Variants in PCDHGB6 observed in about 807,000 individuals in gnomAD.
The protein encoded by PCDHGB6 is protocadherin gamma subfamily B, 6, also known as protocadherin gamma-B6.
A neutral mutation model predicts 59.1 loss-of-function variants in PCDHGB6; 51 were observed. That is an observed-to-expected ratio of 0.86 (90% CI 0.69 to 1.09). The LOEUF is 1.09. PCDHGB6 is among the 50% of genes least tolerant of loss of function. The probability of loss-of-function intolerance (pLI) is 0.00; values close to 1 mark genes in which losing one functional copy is unlikely to be tolerated. For synonymous variants in PCDHGB6, 466 were observed against 495.1 expected (o/e 0.94, Z 0.78); for missense variants, 1,148 against 1,205.1 (o/e 0.95, Z 0.70).
chr5:141,409,188 C>T lies in PCDHGB6; in HGVS notation c.986C>T (p.Thr329Ile), dbSNP rs1487313582. ...GCGAAGGACGGAGGTGGTCTCTCTA[C>T]CCAGTGTAAAGTAATCATAGAAATC... ...VEAKDGGGLS[T>I]QCKVIIEILD... Residue 329 changes from threonine to isoleucine, a missense_variant, in exon 1 of 4, where the codon ACC (threonine) becomes ATC (isoleucine). Transcript: ENST00000520790. 9 of 1,613,880 alleles carry T rather than the reference C, an allele frequency of 5.6e-6. No homozygotes were observed. In the Admixed American group the frequency reaches 8.3e-5, roughly 15 times the overall value.
At chr5:141,422,888 T>C in intron 1 of PCDHGB6, 2 of 1,614,262 alleles carry the variant, frequency 1.2e-6, no homozygotes, top group South Asian at 2.2e-5. Flanking sequence ...CTGTTCGTGC[T>C]GGACCAGAAC....
Position 141,478,316 on chromosome 5 carries a change from C to T in PCDHGB6, c.2419-16491C>T, listed in dbSNP as rs776948755. ...CCTATACCGAGCCCCGGTGAGCTCA[C>T]TGTACCGAACACCAGGGCCCTCCTT... On this transcript the variant is annotated intron_variant, in intron 1 of 3. Coordinates refer to ENST00000520790, the MANE Select transcript of PCDHGB6 (RefSeq NM_018926.3). 120 of 1,613,924 alleles carry T rather than the reference C, an allele frequency of 7.4e-5. 2 individuals carry two copies. In the South Asian group the frequency reaches 1.3e-3, roughly 18 times the overall value.
chr5:141,484,960 C>A, intron 1 of PCDHGB6: 1 of 577,142 alleles, frequency 1.7e-6, no homozygotes, highest in Non-Finnish European at 3.1e-6. Flanking sequence ...TTGGCTGAGC[C>A]CGGGAGCCGC....
At chr5:141,414,753 T>G (rs10041534) in intron 1 of PCDHGB6, 22 of 1,614,088 alleles carry the variant, frequency 1.4e-5, no homozygotes, top group Non-Finnish European at 1.8e-5. Context: ...CCTTCGACTA[T>G]GAGCAGTTTC....
intron 1 of PCDHGB6, chr5:141,414,096 A>G (rs2095708665): frequency 1.9e-6 from 3 of 1,595,210 alleles, no homozygotes; most frequent in Middle Eastern, 3.3e-4. Context: ...AAATAAAAAT[A>G]TCAGAAAATC....
intron 1 of PCDHGB6, among the ~76,000 whole-genome samples, chr5:141,436,150 T>A (rs1270913305): frequency 6.6e-6 from 1 of 152,182 alleles, no homozygotes; most frequent in African/African-American, 2.4e-5. Flanking sequence ...ACTACCAAAA[T>A]GTTTATCATA....
At chr5:141,438,765 G>A (rs1012158127) in intron 1 of PCDHGB6, among the ~76,000 whole-genome samples, 5 of 149,658 alleles carry the variant, frequency 3.3e-5, no homozygotes, top group Middle Eastern at 3.4e-3. Context: ...GGGTTCAAGC[G>A]ATTCTCCTGC....
chr5:141,471,208 C>G (rs559571022), intron 1 of PCDHGB6: 1 of 151,664 alleles, frequency 6.6e-6, no homozygotes, highest in Non-Finnish European at 1.5e-5. Context: ...CACCCCCATG[C>G]CTGGCAATTT....
intron 1 of PCDHGB6, among the ~76,000 whole-genome samples, chr5:141,472,026 G>C (rs2099269805): frequency 6.6e-6 from 1 of 152,108 alleles, no homozygotes; most frequent in Non-Finnish European, 1.5e-5. Context: ...ATTGTATGTA[G>C]AAAGCTGTGA....
chr5:141,419,393 G>T (rs1226844501), intron 1 of PCDHGB6: 2 of 1,613,620 alleles, frequency 1.2e-6, no homozygotes, highest in Non-Finnish European at 1.7e-6. Context: ...CGCGCAGAGC[G>T]GGGTGGTGTT....
intron 1 of PCDHGB6, chr5:141,429,251 A>C (rs2097199889): frequency 6.6e-6 from 1 of 151,884 alleles, no homozygotes; most frequent in Non-Finnish European, 1.5e-5. Context: ...GAGATATTTT[A>C]ATTGAGGAAT....
chr5:141,449,562 C>T (rs1374591292), intron 1 of PCDHGB6, among the ~76,000 whole-genome samples: 1 of 143,862 alleles, frequency 7.0e-6, no homozygotes, highest in East Asian at 2.0e-4. Context: ...GCACTCCAGC[C>T]TGGGCGACAG....
Position 141,408,643 on chromosome 5 carries a change from C to G in PCDHGB6, c.441C>G (p.Ser147=), listed in dbSNP as rs751905674. ...EIHLEIFESA[S]AGTRLSLDPA... ...ATTTAGAAATTTTCGAATCTGCATCCGCTGGTACACGACTATCGCTTGACC... is the reference window on the plus strand; with the variant it reads ...ATTTAGAAATTTTCGAATCTGCATCGGCTGGTACACGACTATCGCTTGACC... The change falls in exon 1 of 4, where the codon TCC becomes TCG. Residue 147 remains serine (S), a synonymous_variant. Transcript: ENST00000520790. 2 of 1,613,910 alleles carry G rather than the reference C, an allele frequency of 1.2e-6. No homozygotes were observed. Among genetic ancestry groups the G allele is most frequent in the Admixed American group, 1.7e-5 (1 of 60,012 alleles).
intron 1 of PCDHGB6, among the ~76,000 whole-genome samples, chr5:141,460,997 G>A (rs1322943324): frequency 3.4e-5 from 5 of 147,290 alleles, no homozygotes; most frequent in Admixed American, 1.4e-4. Flanking sequence ...ATATATATAT[G>A]TGTATATATA....
chr5:141,410,650 T>C (rs781083173), intron 1 of PCDHGB6, 30 bp downstream of exon 1: 3 of 1,590,604 alleles, frequency 1.9e-6, no homozygotes, highest in Non-Finnish European at 2.6e-6. Context: ...GTGTGATTTA[T>C]CTAATAGTCT....
At position 141,477,458 on chromosome 5, in the gene PCDHGB6, T is replaced by C; in HGVS notation, c.2419-17349T>C. 6.2e-7 allele frequency: 1 copy of C among 1,614,126 alleles called. No homozygotes were observed. The highest frequency in any genetic ancestry group is 8.5e-7 in the Non-Finnish European group (1 of 1,180,022). ...CCTTACAATAGTGCGTGTTCAAGTG[T>C]CCGACATCAATGACAACCCTCCACA... On this transcript the variant is annotated intron_variant, in intron 1 of 3. Transcript: ENST00000520790. This position sits in a 1 kb window ranked among gnomAD's most constrained non-coding sequence, Gnocchi z 4.9.
intron 1 of PCDHGB6, chr5:141,423,031 A>G (rs761268652): frequency 1.2e-6 from 2 of 1,614,096 alleles, no homozygotes; most frequent in East Asian, 2.2e-5. Flanking sequence ...TTCAGGCCAG[A>G]ACGCCTGGCT....
Position 141,486,282 on chromosome 5 carries a change from C to G in PCDHGB6, c.2419-8525C>G. On this transcript the variant is annotated intron_variant, in intron 1 of 3. Transcript: ENST00000520790. This position sits in a 1 kb window ranked among gnomAD's most constrained non-coding sequence, Gnocchi z 5.0. ...AGTGCAGAACCTGGCACTGTGGTGG[C>G]ACTTATCAGTGTGCAGGATCCAGAC... The G allele has an allele frequency of 1.2e-6, 2 of 1,614,052 alleles. No homozygotes were observed. The highest frequency in any genetic ancestry group is 1.7e-6 in the Non-Finnish European group (2 of 1,179,992).
At chr5:141,427,693 C>G in intron 1 of PCDHGB6, 1 of 909,726 alleles carries the variant, frequency 1.1e-6, no homozygotes, top group Non-Finnish European at 1.8e-6. Flanking sequence ...GCCTCCATCC[C>G]ACAAGTCAGC....
Sources: gnomAD v4.1 joint callset for allele counts (sites outside exome capture counted in the v4.1 genomes callset) on GRCh38, gnomAD v4.1.1 for gene constraint, Gnocchi (gnomAD v3.1) non-coding constraint, MANE v1.5 for transcripts, NCBI Gene and HGNC (gene_info 2026-07-23, HGNC 2026-07-21) for gene names.